Variants in SLC4A3 observed in about 807,000 individuals in gnomAD.
SLC4A3 encodes the protein solute carrier family 4 member 3.
In SLC4A3, 47 loss-of-function variants were observed where a neutral mutation model predicts 114.2. The ratio of observed to expected loss-of-function variants is 0.41; its 90% CI spans 0.33 to 0.52. The LOEUF is 0.52. Among genes scored for constraint, SLC4A3 ranks in the 20% least tolerant of loss-of-function variants. SLC4A3 has a pLI of 0.21. For missense variants in SLC4A3, 1,312 were observed against 1,668.3 expected, an observed-to-expected ratio of 0.79 and a Z score of 3.72; for synonymous variants, 693 against 710.3, an observed-to-expected ratio of 0.98 and a Z score of 0.39.
intron 3 of SLC4A3, 60 bp from the exon 4 acceptor site, chr2:219,629,084 G>C (rs1012902155): frequency 4.0e-6 from 6 of 1,508,930 alleles, no homozygotes; most frequent in Non-Finnish European, 5.3e-6. Context: ...GTGTGCCCTC[G>C]GGTGGGGAGG....
In SLC4A3 at chr2:219,641,623, C is replaced by T. The variant is rs60726944; in HGVS notation, c.3622-28C>T. 1 of 1,597,836 alleles carries T rather than the reference C, an allele frequency of 6.3e-7. No homozygotes were observed. Among genetic ancestry groups the T allele is most frequent in the Non-Finnish European group, 8.6e-7 (1 of 1,165,242 alleles). On this transcript the variant is annotated intron_variant, in intron 22 of 22. Transcript: ENST00000358055. This position sits in a 1 kb window ranked among gnomAD's most constrained non-coding sequence, Gnocchi z 4.0. ...GGAGGGGACGAGCATGCTTCCCTGC[C>T]TTCCCCAACCTTCTGTTCCCTCTGC...
Position 219,639,214 on chromosome 2 carries a change from T to C in SLC4A3, c.3024-268T>C, listed in dbSNP as rs1278983712. ...TTGCACCCAGGGATGCTCACATGTATCTAATTTTGGTTAAACCACAATAAC... is the reference window on the plus strand; with the variant it reads ...TTGCACCCAGGGATGCTCACATGTACCTAATTTTGGTTAAACCACAATAAC... On this transcript the variant is annotated intron_variant, in intron 19 of 22. Transcript: ENST00000358055. The surrounding 1 kb of genome is among the most constrained non-coding windows in gnomAD (Gnocchi z 5.9). Among the ~76,000 whole-genome samples, 2 of 152,178 alleles carry C rather than the reference T, an allele frequency of 1.3e-5. No homozygotes were observed. Among genetic ancestry groups the C allele is most frequent in the African/African-American group, 4.8e-5 (2 of 41,436 alleles).
At position 219,640,573 on chromosome 2, in the gene SLC4A3, C is replaced by T; in HGVS notation, c.3421C>T (p.His1141Tyr). 6.2e-7 allele frequency: 1 copy of T among 1,614,114 alleles called. No homozygotes were observed. The highest frequency in any genetic ancestry group is 8.5e-7 in the Non-Finnish European group (1 of 1,179,986). ...GCTCATCCTCATGCCGGCAAAACAC[C>T]ATCCTGAGCAGCCCTATGTGACCAA... ...LLLILMPAKH[H>Y]PEQPYVTKVK... Residue 1141 changes from histidine to tyrosine, a missense_variant, in exon 21 of 23, where the codon CAT becomes TAT. Physicochemically the swap from His to Tyr is moderately conservative, Grantham distance 83 (BLOSUM62 2). Transcript: ENST00000358055.
chr2:219,630,166 C>G lies in SLC4A3; in HGVS notation c.625C>G (p.Arg209Gly). The G allele has an allele frequency of 6.2e-7, 1 of 1,612,470 alleles. No individual in the cohort carries two copies. ...PQHSSSSPSP[R>G]ARASRLAGEK... ...TTGCCTCCCCAGCTCCCCCAGCCCC[C>G]GGGCCCGGGCCTCCCGACTCGCTGG... Residue 209 changes from arginine (R) to glycine (G), a missense_variant, in exon 6 of 23, where the codon CGG becomes GGG. Arg to Gly is a moderately radical substitution (Grantham distance 125). Around this residue, in one of 4 missense-constraint regions of SLC4A3, gnomAD observed 771 missense variants for 977.7 expected, o/e 0.79. Transcript: ENST00000358055. The surrounding 1 kb of genome is among the most constrained non-coding windows in gnomAD (Gnocchi z 6.9).
At chr2:219,634,729 G>A (rs1699058499) in intron 12 of SLC4A3, 125 bp downstream of exon 12, 1 of 1,025,414 alleles carries the variant, frequency 9.8e-7, no homozygotes, top group East Asian at 2.6e-5. Flanking sequence ...GCCATGCCCT[G>A]GAGGGTGGTG....
rs1341993044 is a variant in SLC4A3, at chr2:219,638,355, C to T, written c.2856+102C>T. ...CCCTGGGATTGGGATCAGGCCTGAA[C>T]TCAACTTTCCCAGTGGAGTGGCCGC... On this transcript the variant is annotated intron_variant, in intron 18 of 22. Transcript: ENST00000358055. The surrounding 1 kb of genome is among the most constrained non-coding windows in gnomAD (Gnocchi z 7.5). 6 of 991,312 alleles carry T rather than the reference C, an allele frequency of 6.1e-6. No individual in the cohort carries two copies. The highest frequency in any genetic ancestry group is 7.7e-6 in the Non-Finnish European group (5 of 650,882). 61.4% of individuals were successfully genotyped at this position (991,312 alleles called of 1,614,324 possible). A position where few individuals can be genotyped will look rare whatever the true frequency, so the allele number is the denominator to read the frequency against.
chr2:219,630,784 G>T lies in SLC4A3; in HGVS notation c.811+432G>T, dbSNP rs1217554232. Among the ~76,000 whole-genome samples, 1 of 152,070 alleles carries T rather than the reference G, an allele frequency of 6.6e-6. No individual in the cohort carries two copies. The highest frequency in any genetic ancestry group is 1.5e-5 in the Non-Finnish European group (1 of 68,002). Reference sequence around the variant, plus strand: ...ACTCCCATCCCACTACCCTTGGGGGGGGCCTGGCTGTGATCTCGGCACATT... The same window carrying T: ...ACTCCCATCCCACTACCCTTGGGGGTGGCCTGGCTGTGATCTCGGCACATT... On this transcript the variant is annotated intron_variant, in intron 6 of 22. Transcript: ENST00000358055. This position sits in a 1 kb window ranked among gnomAD's most constrained non-coding sequence, Gnocchi z 6.9.
rs753591905 is a variant in SLC4A3, at chr2:219,637,636, G to A, written c.2591G>A (p.Gly864Glu). Residue 864 changes from glycine to glutamate, a missense_variant, in exon 17 of 23, where the codon GGG becomes GAG. Physicochemically the swap from Gly to Glu is moderately conservative, Grantham distance 98. Coordinates refer to ENST00000358055, the MANE Select transcript of SLC4A3 (RefSeq NM_005070.4). This position sits in a 1 kb window ranked among gnomAD's most constrained non-coding sequence, Gnocchi z 4.6. ...TACCCCCCTGAGGGGGCCCTGGAGG[G>A]GTCCCTGGATGCTGGTCTGGAGCCA... The part of the protein sequence containing the change: ...PFYPPEGALE[G>E]SLDAGLEPNG... The A allele has an allele frequency of 1.2e-6, 2 of 1,612,966 alleles. No homozygotes were observed. Among genetic ancestry groups the A allele is most frequent in the Admixed American group, 3.3e-5 (2 of 59,958 alleles).
Position 219,633,387 on chromosome 2 carries a change from C to A in SLC4A3, c.1391C>A (p.Ala464Glu), listed in dbSNP as rs779013558. The A allele has an allele frequency of 1.9e-6, 3 of 1,599,056 alleles. No homozygotes were observed. In the East Asian group the frequency reaches 6.8e-5, roughly 36 times the overall value. ...ACTCCCAGCCATGGCCCTGATGGGG[C>A]GGTGCCTACCATGGCTGATGACCTG... ...HPTPSHGPDG[A>E]VPTMADDLGE... Residue 464 changes from alanine (A) to glutamate (E), a missense_variant, in exon 10 of 23, where the codon GCG becomes GAG. Physicochemically the swap from Ala to Glu is moderately radical, Grantham distance 107. Transcript: ENST00000358055.
rs1039476699 is a variant in SLC4A3 at position 219,628,745 on chromosome 2, G to A, written c.217+175G>A. ...AGTCATCCTGCCTCCCCCACCCATC[G>A]CCTGTCCGCCTGCCTGGGGAGGTGG... On this transcript the variant is annotated intron_variant, in intron 3 of 22. Coordinates refer to ENST00000358055, the MANE Select transcript of SLC4A3 (RefSeq NM_005070.4). The surrounding 1 kb of genome is among the most constrained non-coding windows in gnomAD (Gnocchi z 4.8). The A allele has an allele frequency of 8.5e-6, 6 of 707,122 alleles. No individual in the cohort carries two copies. Among genetic ancestry groups the A allele is most frequent in the Non-Finnish European group, 1.1e-5 (5 of 435,776 alleles). 43.8% of individuals were successfully genotyped at this position (707,122 alleles called of 1,614,324 possible).
At chr2:219,633,671 T>C (rs1175148275) in intron 10 of SLC4A3, among the ~76,000 whole-genome samples, 1 of 152,334 alleles carries the variant, frequency 6.6e-6, no homozygotes, top group Middle Eastern at 3.4e-3. Context: ...AGGAGCTGTT[T>C]AAACAAGATA....
At position 219,635,675 on chromosome 2, in the gene SLC4A3, C is replaced by T; in HGVS notation, c.1975C>T (p.Leu659=). The T allele has an allele frequency of 6.3e-7, 1 of 1,582,852 alleles. No homozygotes were observed. The highest frequency in any genetic ancestry group is 8.6e-7 in the Non-Finnish European group (1 of 1,166,574). The change falls in exon 14 of 23, where the codon CTG becomes TTG. Residue 659 remains leucine, a splice_region_variant and synonymous_variant. Coordinates refer to ENST00000358055, the MANE Select transcript of SLC4A3 (RefSeq NM_005070.4). ...RGGYTAPGKE[L]SLELGGSEAT... The stretch of plus-strand genomic sequence containing the variant: ...CCAGCAGCCCCTTGTTCCCCCAGAA[C>T]TGTCTTTGGAGTTGGGGGGCTCTGA...
chr2:219,629,920 A>C, intron 5 of SLC4A3: 1 of 763,686 alleles, frequency 1.3e-6, no homozygotes, highest in Non-Finnish European at 2.1e-6. Flanking sequence ...CAGAGTGAAG[A>C]GGTTAGGAGT....
chr2:219,629,525 T>C lies in SLC4A3; in HGVS notation c.496-55T>C. On this transcript the variant is annotated intron_variant, in intron 4 of 22. Transcript: ENST00000358055. The stretch of plus-strand genomic sequence containing the variant: ...GGGCCTGTGTGAGGCTGGGTAGGGT[T>C]GGGGGCTGTATGGTAGGTCGGGGCA... 6 of 1,583,894 alleles carry C rather than the reference T, an allele frequency of 3.8e-6. No homozygotes were observed. The South Asian group carries it at 6.6e-5, about 18-fold the overall frequency.
rs750473047 is a variant in SLC4A3, at chr2:219,632,258, C to G, written c.961-4C>G. 81 of 1,613,846 alleles carry G rather than the reference C, an allele frequency of 5.0e-5. 1 individual carries two copies. In the Admixed American group the frequency reaches 1.1e-3, roughly 22 times the overall value. ...TGGGCCCTCACCTTTGGCACGCCCC[C>G]CAGGTGTTCGTGGAGCTGAACGAGC... On this transcript the variant is annotated splice_polypyrimidine_tract_variant and splice_region_variant and intron_variant, in intron 7 of 22. Coordinates refer to ENST00000358055, the MANE Select transcript of SLC4A3 (RefSeq NM_005070.4).
rs764789909 is a variant in SLC4A3, at chr2:219,633,324, G to T, written c.1328G>T (p.Ser443Ile). ...GGCTTCTTTCCCCGAAACCCATCGA[G>T]CTCCAGCATGAACTCGGTTCTGGGG... ...DSGFFPRNPS[S>I]SSMNSVLGNH... Residue 443 changes from serine (S) to isoleucine (I), a missense_variant, in exon 10 of 23, where the codon AGC (serine) becomes ATC (isoleucine). Coordinates refer to ENST00000358055, the MANE Select transcript of SLC4A3 (RefSeq NM_005070.4). The T allele has an allele frequency of 6.2e-7, 1 of 1,601,956 alleles. No individual in the cohort carries two copies. The highest frequency in any genetic ancestry group is 8.5e-7 in the Non-Finnish European group (1 of 1,172,354).
intron 3 of SLC4A3, 59 bp from the exon 4 acceptor site, chr2:219,629,085 G>A (rs1698822549): frequency 1.3e-6 from 2 of 1,512,482 alleles, no homozygotes; most frequent in Non-Finnish European, 1.8e-6. Context: ...TGTGCCCTCG[G>A]GTGGGGAGGG....
chr2:219,634,515 C>G lies in SLC4A3; in HGVS notation c.1657C>G (p.Arg553Gly). Residue 553 changes from arginine (R) to glycine (G), a missense_variant, in exon 12 of 23, where the codon CGC becomes GGC. Arg to Gly is a moderately radical substitution (Grantham distance 125, BLOSUM62 -2). This residue lies in a region of SLC4A3 where 771 missense variants were observed against 977.7 expected (regional missense o/e 0.79). Transcript: ENST00000358055. Reference sequence around the variant, plus strand: ...TGTGCTTGAGGTCCCTGTCCCGGTCCGCTTCCTCTTCGTGATGCTGGGGCC... The same window carrying G: ...TGTGCTTGAGGTCCCTGTCCCGGTCGGCTTCCTCTTCGTGATGCTGGGGCC... ...ESVLEVPVPV[R>G]FLFVMLGPSH... The G allele has an allele frequency of 6.2e-7, 1 of 1,614,192 alleles. No homozygotes were observed. The highest frequency in any genetic ancestry group is 8.5e-7 in the Non-Finnish European group (1 of 1,180,046).
rs1699192058 is a variant in SLC4A3, at chr2:219,638,071, G to A, written c.2767-93G>A. On this transcript the variant is annotated intron_variant, in intron 17 of 22. Coordinates refer to ENST00000358055, the MANE Select transcript of SLC4A3 (RefSeq NM_005070.4). The surrounding 1 kb of genome is among the most constrained non-coding windows in gnomAD (Gnocchi z 7.5). Reference sequence around the variant, plus strand: ...GTGGGGGGCCTTCTGGCTCCAGCTTGGACCCAGGCAGGGCCAGAGATGGCA... The same window carrying A: ...GTGGGGGGCCTTCTGGCTCCAGCTTAGACCCAGGCAGGGCCAGAGATGGCA... The A allele has an allele frequency of 9.3e-7, 1 of 1,073,910 alleles. No homozygotes were observed. Among genetic ancestry groups the A allele is most frequent in the South Asian group, 1.4e-5 (1 of 72,694 alleles). 66.5% of individuals were successfully genotyped at this position (1,073,910 alleles called of 1,614,324 possible).
Sources: allele counts gnomAD v4.1 joint callset (sites outside exome capture counted in the v4.1 genomes callset), GRCh38; gene constraint gnomAD v4.1.1; regional missense constraint gnomAD v4.1.1; non-coding constraint Gnocchi (gnomAD v3.1); transcripts MANE v1.5; gene names NCBI Gene and HGNC (gene_info 2026-07-23, HGNC 2026-07-21).